Variants in RIPOR2 observed in about 807,000 individuals in gnomAD.
RIPOR2 encodes rho family-interacting cell polarization regulator 2.
A neutral mutation model predicts 114.5 loss-of-function variants in RIPOR2; 39 were observed. That is an observed-to-expected ratio of 0.34 (90% CI 0.26 to 0.44). The LOEUF (loss-of-function observed/expected upper bound fraction) is 0.44. Ranked by LOEUF, RIPOR2 falls within the 20% of genes least tolerant of loss-of-function variation. The probability of loss-of-function intolerance (pLI) is 1.00; values close to 1 mark genes in which losing one functional copy is unlikely to be tolerated. For missense variants in RIPOR2, 1,007 were observed against 1,255.1 expected, an observed-to-expected ratio of 0.80 and a Z score of 2.99; for synonymous variants, 445 against 484.4, an observed-to-expected ratio of 0.92 and a Z score of 1.07.
intron 1 of RIPOR2, among the ~76,000 whole-genome samples, chr6:25,038,751 C>A (rs1360310269): frequency 6.6e-6 from 1 of 152,166 alleles, no homozygotes; most frequent in African/African-American, 2.4e-5. Context: ...CTAATTCATG[C>A]CCATGGAAGC....
intron 1 of RIPOR2, among the ~76,000 whole-genome samples, chr6:24,998,493 C>A (rs1775144991): frequency 6.6e-6 from 1 of 152,200 alleles, no homozygotes; most frequent in African/African-American, 2.4e-5. Flanking sequence ...AAAAATCTAG[C>A]ATCCCAAATC....
intron 18 of RIPOR2, among the ~76,000 whole-genome samples, chr6:24,827,745 C>A (rs960459683): frequency 1.9e-4 from 29 of 152,212 alleles, no homozygotes; most frequent in Non-Finnish European, 5.9e-5. Context: ...ATGTTACCTA[C>A]CTGCCTTCTT....
At chr6:25,038,490 A>G (rs1400287960) in intron 1 of RIPOR2, among the ~76,000 whole-genome samples, 1 of 152,258 alleles carries the variant, frequency 6.6e-6, no homozygotes, top group Non-Finnish European at 1.5e-5. Context: ...AGCCCTTTAA[A>G]GAAGAGTCTA....
At chr6:24,850,470 T>C in intron 10 of RIPOR2, 127 bp downstream of exon 10, 1 of 966,036 alleles carries the variant, frequency 1.0e-6, no homozygotes, top group Admixed American at 2.1e-5. Context: ...GCTGTCTTTG[T>C]AATAGACTTG....
chr6:24,875,979 C>G (rs1011606101), intron 1 of RIPOR2, among the ~76,000 whole-genome samples, 162 bp from the exon 2 acceptor site: 7 of 151,998 alleles, frequency 4.6e-5, no homozygotes, highest in Non-Finnish European at 8.8e-5. Flanking sequence ...GGGTTCAACT[C>G]TCAAAAGAAT....
intron 1 of RIPOR2, chr6:24,947,893 C>G (rs1374569895): frequency 6.6e-6 from 1 of 152,198 alleles, no homozygotes; most frequent in African/African-American, 2.4e-5. Flanking sequence ...ATTTGGCCTT[C>G]AAACGCTATA....
At chr6:24,873,298 T>C (rs895627237) in intron 3 of RIPOR2, among the ~76,000 whole-genome samples, 1 of 152,198 alleles carries the variant, frequency 6.6e-6, no homozygotes, top group Non-Finnish European at 1.5e-5. Flanking sequence ...GAATGTCCCA[T>C]TGCACACTAG....
chr6:24,935,739 A>G (rs1368666899), intron 1 of RIPOR2, 99 bp downstream of exon 1: 1 of 811,726 alleles, frequency 1.2e-6, no homozygotes, highest in African/African-American at 1.7e-5. Flanking sequence ...TATCATTTCA[A>G]AATACTCAAG....
chr6:24,976,455 G>T, intron 1 of RIPOR2: 1 of 1,568,902 alleles, frequency 6.4e-7, no homozygotes, highest in Non-Finnish European at 8.8e-7. Context: ...CATTGCCGTC[G>T]ACGGTGAGCC....
At chr6:24,844,619 C>A (rs62401987) in intron 12 of RIPOR2, among the ~76,000 whole-genome samples, 1 of 151,700 alleles carries the variant, frequency 6.6e-6, no homozygotes, top group African/African-American at 2.4e-5. Context: ...TACAGGCATG[C>A]GCCACCACGC....
chr6:24,869,284 G>A, intron 5 of RIPOR2, 137 bp from the exon 6 acceptor site: 1 of 524,102 alleles, frequency 1.9e-6, no homozygotes. Flanking sequence ...TATCTTTGAA[G>A]CTATTTTAGA....
chr6:24,921,169 T>TC (rs1268614547), intron 1 of RIPOR2, among the ~76,000 whole-genome samples: 2 of 149,642 alleles, frequency 1.3e-5, no homozygotes, highest in Non-Finnish European at 3.0e-5. Flanking sequence ...TCTCTCTCTC[T>TC]TTTTTTTTGA....
chr6:24,887,665 C>T (rs955279356), intron 1 of RIPOR2, among the ~76,000 whole-genome samples: 22 of 152,050 alleles, frequency 1.4e-4, no homozygotes, highest in African/African-American at 4.6e-4. Context: ...CAGCAGAGTA[C>T]GTTGAAGCTA....
chr6:24,842,994 G>A lies in RIPOR2; in HGVS notation c.1725C>T (p.Cys575=). 1 of 1,586,204 alleles carries A rather than the reference G, an allele frequency of 6.3e-7. No homozygotes were observed. The highest frequency in any genetic ancestry group is 8.6e-7 in the Non-Finnish European group (1 of 1,165,226). Residue 575 remains cysteine (C), a synonymous_variant, in exon 13 of 22, where the codon TGC becomes TGT. Coordinates refer to ENST00000643898, the MANE Select transcript of RIPOR2 (RefSeq NM_001286445.3). Reference sequence around the variant, plus strand: ...CTAAGCTTCCATCTAGAAAGGATCTGCAGCCTTCAGATTCTCCACCAACAG... The same window carrying A: ...CTAAGCTTCCATCTAGAAAGGATCTACAGCCTTCAGATTCTCCACCAACAG... ...EGSVGGESEG[C]RSFLDGSLED...
At chr6:24,990,109 A>G (rs1774735033) in intron 1 of RIPOR2, among the ~76,000 whole-genome samples, 1 of 152,234 alleles carries the variant, frequency 6.6e-6, no homozygotes, top group African/African-American at 2.4e-5. Context: ...AAAACATACT[A>G]TATCAAAAAT....
intron 1 of RIPOR2, among the ~76,000 whole-genome samples, chr6:25,004,930 CCAA>C (rs1274455048): frequency 6.6e-6 from 1 of 151,362 alleles, no homozygotes; most frequent in Non-Finnish European, 1.5e-5. Context: ...TTCCAACCAT[CCAA>C]ATATGTTATG....
chr6:24,902,928 C>T (rs1041124163), intron 1 of RIPOR2, among the ~76,000 whole-genome samples: 1 of 152,188 alleles, frequency 6.6e-6, no homozygotes, highest in East Asian at 1.9e-4. Context: ...TGACCTTTTT[C>T]TGTGTCTGAC....
At chr6:24,941,906 C>A (rs1210412521) in intron 1 of RIPOR2, among the ~76,000 whole-genome samples, 1 of 152,030 alleles carries the variant, frequency 6.6e-6, no homozygotes, top group Non-Finnish European at 1.5e-5. Flanking sequence ...AAAAGATACA[C>A]AGGAAAATAA....
At chr6:24,820,274 G>A (rs9356947) in intron 19 of RIPOR2, among the ~76,000 whole-genome samples, 65,113 of 151,766 alleles carry the variant, frequency 0.43, 15,239 homozygotes, top group East Asian at 0.78. Flanking sequence ...CTTGTGATCC[G>A]TCCGCCTCGG....
Sources: gnomAD v4.1 joint callset for allele counts (sites outside exome capture counted in the v4.1 genomes callset) on GRCh38, gnomAD v4.1.1 for gene constraint, MANE v1.5 for transcripts, NCBI Gene and HGNC (gene_info 2026-07-23, HGNC 2026-07-21) for gene names.